ZFYVE16: variants seen among roughly 807,000 people sequenced by gnomAD.
The protein encoded by ZFYVE16 is zinc finger FYVE-type containing 16.
ZFYVE16 carries 89 observed loss-of-function variants against 138.1 expected under a neutral mutation model. The observed-to-expected ratio is 0.64, with a 90% confidence interval of 0.54 to 0.77. ZFYVE16 has a LOEUF of 0.77. Ranked by LOEUF, ZFYVE16 falls within the 30% of genes least tolerant of loss-of-function variation. The pLI is 0.00. For missense variants in ZFYVE16, 1,793 were observed against 1,786.7 expected (o/e 1.00, Z -0.06); for synonymous variants, 596 against 618.3 (o/e 0.96, Z 0.53).
chr5:80,422,142 AT>A (rs1747298904), intron 1 of ZFYVE16, among the ~76,000 whole-genome samples: 3 of 152,128 alleles, frequency 2.0e-5, no homozygotes, highest in Admixed American at 2.0e-4. Flanking sequence ...TTGCACCTTA[AT>A]TTTGTATCCT....
intron 14 of ZFYVE16, among the ~76,000 whole-genome samples, chr5:80,458,583 A>T (rs1251575754): frequency 1.3e-5 from 2 of 152,146 alleles, no homozygotes; most frequent in Non-Finnish European, 2.9e-5. Flanking sequence ...TTTACATTTT[A>T]TATGTTGTAC....
At position 80,438,019 on chromosome 5, in the gene ZFYVE16, A is replaced by C. The variant is rs1458444301; in HGVS notation, c.1334A>C (p.Gln445Pro). Residue 445 changes from glutamine (Q) to proline (P), a missense_variant, in exon 4 of 19, where the codon CAG (glutamine) becomes CCG (proline). By Grantham distance (76) the Gln-to-Pro change is moderately conservative. This residue lies in a region of ZFYVE16 where 1,295 missense variants were observed against 1,204.3 expected (regional missense o/e 1.08). Coordinates refer to ENST00000505560, the MANE Select transcript of ZFYVE16 (RefSeq NM_001284236.3). ...KQEKCKSILL[Q>P]SLIEGMEDRK... ...GAAAAATGTAAAAGCATACTCCTTC[A>C]GTCATTAATTGAAGGGATGGAAGAC... is the stretch of plus-strand genomic sequence containing the variant. 2 of 1,613,998 alleles carry C rather than the reference A, an allele frequency of 1.2e-6. No homozygotes were observed. Among genetic ancestry groups the C allele is most frequent in the Non-Finnish European group, 1.7e-6 (2 of 1,179,982 alleles).
chr5:80,462,175 A>G (rs1753191631), intron 15 of ZFYVE16, among the ~76,000 whole-genome samples: 1 of 152,202 alleles, frequency 6.6e-6, no homozygotes, highest in Non-Finnish European at 1.5e-5. Context: ...CAATTATGGT[A>G]ATATGTGGCT....
rs1185797719 is a variant in ZFYVE16 at position 80,470,101 on chromosome 5, A to ATTTTT, written c.4025-2646_4025-2642dup. On this transcript the variant is annotated intron_variant, in intron 15 of 18. Transcript: ENST00000505560. ...TGTGTGTGTGTGTGTGTGTGTGTGT[A>ATTTTT]TTTTTTTTTTTTTTTTTTGAGACAG... Among the ~76,000 whole-genome samples the ATTTTT allele has an allele frequency of 8.3e-5, 9 of 108,546 alleles. 1 individual carries two copies. Among genetic ancestry groups the ATTTTT allele is most frequent in the East Asian group, 2.4e-4 (1 of 4,204 alleles). 71.2% of individuals were successfully genotyped at this position (108,546 alleles called of 152,430 possible).
intron 18 of ZFYVE16, among the ~76,000 whole-genome samples, chr5:80,475,304 GTA>G (rs1754791179): frequency 6.6e-6 from 1 of 152,218 alleles, no homozygotes; most frequent in African/African-American, 2.4e-5. Context: ...GTCTAAAAGC[GTA>G]TATATAACAG....
chr5:80,456,813 A>G (rs567024456), intron 13 of ZFYVE16, 132 bp from the exon 14 acceptor site: 202 of 1,119,570 alleles, frequency 1.8e-4, no homozygotes, highest in South Asian at 1.0e-3. Flanking sequence ...ATTTGTTTCC[A>G]TCACATTCCC....
Position 80,456,560 on chromosome 5 carries a change from A to G in ZFYVE16, c.3790A>G (p.Ser1264Gly). 6.2e-7 allele frequency: 1 copy of G among 1,604,454 alleles called. No homozygotes were observed. Among genetic ancestry groups the G allele is most frequent in the Non-Finnish European group, 8.5e-7 (1 of 1,172,300 alleles). Reference sequence around the variant, plus strand: ...CATAAAAATACCACGGAAAAAGTACAGTGATGTAAGTATAATTGTTTTATT... The same window carrying G: ...CATAAAAATACCACGGAAAAAGTACGGTGATGTAAGTATAATTGTTTTATT... ...SCIKIPRKKYSDVMKVLNSSN... is the reference protein window; with the variant it reads ...SCIKIPRKKYGDVMKVLNSSN... Residue 1264 changes from serine (S) to glycine (G), a missense_variant, in exon 13 of 19, where the codon AGT becomes GGT. Physicochemically the swap from Ser to Gly is moderately conservative, Grantham distance 56. Around this residue, in one of 2 missense-constraint regions of ZFYVE16, gnomAD observed 498 missense variants for 582.4 expected, o/e 0.86. Coordinates refer to ENST00000505560, the MANE Select transcript of ZFYVE16 (RefSeq NM_001284236.3).
chr5:80,451,564 T>C lies in ZFYVE16; in HGVS notation c.3462T>C (p.Phe1154=). 1 of 1,613,952 alleles carries C rather than the reference T, an allele frequency of 6.2e-7. No individual in the cohort carries two copies. Among genetic ancestry groups the C allele is most frequent in the Non-Finnish European group, 8.5e-7 (1 of 1,179,922 alleles). ...GCAAGGATCACGGAGGATTCCTGTT[T>C]ATTACACCTACTTTTCAGAAACTTG... ...LSSKDHGGFL[F]ITPTFQKLDD... is the part of the protein sequence containing the mutation. Residue 1154 remains phenylalanine, a synonymous_variant, in exon 11 of 19, where the codon TTT becomes TTC. Coordinates refer to ENST00000505560, the MANE Select transcript of ZFYVE16 (RefSeq NM_001284236.3).
intron 2 of ZFYVE16, among the ~76,000 whole-genome samples, chr5:80,432,039 A>C (rs564151571): frequency 4.2e-4 from 64 of 152,306 alleles, no homozygotes; most frequent in African/African-American, 1.0e-3. Flanking sequence ...AGTGCCATCC[A>C]CATCAAGCTA....
At chr5:80,457,449 A>G (rs1226225520) in intron 14 of ZFYVE16, among the ~76,000 whole-genome samples, 1 of 152,188 alleles carries the variant, frequency 6.6e-6, no homozygotes, top group Non-Finnish European at 1.5e-5. Context: ...GCACAGGGTG[A>G]TAAGGATAAG....
At position 80,453,172 on chromosome 5, in the gene ZFYVE16, A is replaced by T. The variant is rs368239632; in HGVS notation, c.3607+1463A>T. On this transcript the variant is annotated intron_variant, in intron 11 of 18. Transcript: ENST00000505560. ...TATTTGGAAATTTTATTAAACTGTG[A>T]TTTTGTGGATGGGGGTTCTTTACCA... Among the ~76,000 whole-genome samples, 433 of 152,234 alleles carry T rather than the reference A, an allele frequency of 2.8e-3. 2 individuals carry two copies. The highest frequency in any genetic ancestry group is 0.01 in the African/African-American group (417 of 41,538).
intron 16 of ZFYVE16, 96 bp from the exon 17 acceptor site, chr5:80,473,658 A>G: frequency 1.3e-6 from 1 of 773,682 alleles, no homozygotes; most frequent in Non-Finnish European, 2.0e-6. Flanking sequence ...ATCTTCTTTT[A>G]TATTTTTTCC....
intron 12 of ZFYVE16, 133 bp downstream of exon 12, chr5:80,455,907 A>G: frequency 1.3e-6 from 1 of 789,018 alleles, no homozygotes; most frequent in Non-Finnish European, 1.9e-6. Context: ...TTTACAATAA[A>G]TCCTAATTAT....
At position 80,481,818 on chromosome 5, in the gene ZFYVE16, T is replaced by C. The variant is rs1353741024; in HGVS notation, c.*4441T>C. 1.3e-5 allele frequency among the ~76,000 whole-genome samples: 2 copies of C among 152,000 alleles called. No individual in the cohort carries two copies. Among genetic ancestry groups the C allele is most frequent in the African/African-American group, 4.8e-5 (2 of 41,412 alleles). ...TTATCAGAAAAAGACTTAAAACTAG[T>C]TATTTTATTTTTTTTATTTATTTTT... On this transcript the variant is annotated 3_prime_UTR_variant, in exon 19 of 19. Coordinates refer to ENST00000505560, the MANE Select transcript of ZFYVE16 (RefSeq NM_001284236.3).
intron 6 of ZFYVE16, 67 bp from the exon 7 acceptor site, chr5:80,445,196 T>C (rs1751161180): frequency 6.4e-7 from 1 of 1,551,190 alleles, no homozygotes; most frequent in Non-Finnish European, 8.7e-7. Flanking sequence ...CATTTCACAA[T>C]CTTTTTGGCA....
At chr5:80,455,513 A>G (rs249040) in intron 11 of ZFYVE16, 179 bp from the exon 12 acceptor site, 469,581 of 547,830 alleles carry the variant, frequency 0.86, 206,187 homozygotes, top group East Asian at 0.95. Flanking sequence ...CAGCCTGGGC[A>G]ACAGAGTGAG....
intron 15 of ZFYVE16, among the ~76,000 whole-genome samples, chr5:80,462,748 A>AAATC (rs1054837750): frequency 1.3e-5 from 2 of 152,222 alleles, no homozygotes; most frequent in African/African-American, 4.8e-5. Flanking sequence ...TGAGCTTGTA[A>AAATC]AATCAAGAGC....
At position 80,443,205 on chromosome 5, in the gene ZFYVE16, T is replaced by G; in HGVS notation, c.2502T>G (p.Pro834=). ...CTGATGAATGTACTACTGTCCAGCC[T>G]CCTCAGGAGAACCAAACATCCAGTA... The part of the protein sequence containing the change: ...NHSDECTTVQ[P]PQENQTSSIP... Residue 834 remains proline (P), a synonymous_variant, in exon 6 of 19, where the codon CCT becomes CCG. Transcript: ENST00000505560. 1 of 1,610,292 alleles carries G rather than the reference T, an allele frequency of 6.2e-7. No individual in the cohort carries two copies. The highest frequency in any genetic ancestry group is 8.5e-7 in the Non-Finnish European group (1 of 1,179,132).
intron 7 of ZFYVE16, among the ~76,000 whole-genome samples, chr5:80,446,710 CTATT>C (rs1256198298): frequency 6.6e-6 from 1 of 151,978 alleles, no homozygotes; most frequent in Non-Finnish European, 1.5e-5. Flanking sequence ...ATACTAATAT[CTATT>C]TAGTTATTTT....
Sources: allele counts gnomAD v4.1 joint callset (sites outside exome capture counted in the v4.1 genomes callset), GRCh38; gene constraint gnomAD v4.1.1; regional missense constraint gnomAD v4.1.1; transcripts MANE v1.5; gene names NCBI Gene and HGNC (gene_info 2026-07-23, HGNC 2026-07-21).